Variants in ADAM10 observed in about 807,000 individuals in gnomAD.
ADAM10 encodes ADAM metallopeptidase domain 10.
Under a neutral mutation model 90.1 loss-of-function variants are expected in ADAM10, and 17 were observed. The observed-to-expected ratio is 0.19, with a 90% CI of 0.13 to 0.28. The LOEUF (loss-of-function observed/expected upper bound fraction) is 0.28. Ranked by LOEUF, ADAM10 falls within the 10% of genes least tolerant of loss-of-function variation. ADAM10 has a pLI of 1.00. For synonymous variants in ADAM10, 310 were observed against 298.6 expected, an observed-to-expected ratio of 1.04 and a Z score of -0.40; for missense variants, 610 against 914.3, an observed-to-expected ratio of 0.67 and a Z score of 4.29.
chr15:58,689,214 G>C (rs780694726), intron 2 of ADAM10, among the ~76,000 whole-genome samples: 2 of 152,176 alleles, frequency 1.3e-5, no homozygotes, highest in Non-Finnish European at 2.9e-5. Flanking sequence ...GGCCGGGCGT[G>C]GTGGCTCACG....
intron 5 of ADAM10, among the ~76,000 whole-genome samples, chr15:58,653,635 T>C (rs974894846): frequency 6.6e-6 from 1 of 152,214 alleles, no homozygotes; most frequent in African/African-American, 2.4e-5. Context: ...GTTGATAATT[T>C]TTCTACCAAT....
chr15:58,716,405 A>G (rs141540992), intron 2 of ADAM10, among the ~76,000 whole-genome samples: 117 of 152,346 alleles, frequency 7.7e-4, no homozygotes, highest in African/African-American at 2.0e-3. Flanking sequence ...TTTAGACGGA[A>G]TTAAAAAGTA....
intron 2 of ADAM10, chr15:58,692,311 T>C: frequency 1.6e-6 from 1 of 607,930 alleles, no homozygotes; most frequent in Non-Finnish European, 3.2e-6. Context: ...TCCACACTCT[T>C]CCTGGGTGAT....
At chr15:58,627,162 C>A (rs1895971853) in intron 10 of ADAM10, among the ~76,000 whole-genome samples, 1 of 152,052 alleles carries the variant, frequency 6.6e-6, no homozygotes, top group Admixed American at 6.6e-5. Context: ...CTGAGTTAAA[C>A]AGCCTTCCAC....
chr15:58,637,311 C>G (rs373417121), intron 8 of ADAM10, among the ~76,000 whole-genome samples: 1 of 152,248 alleles, frequency 6.6e-6, no homozygotes, highest in East Asian at 1.9e-4. Flanking sequence ...CAAAGCCAGC[C>G]TCATTCAACG....
intron 9 of ADAM10, among the ~76,000 whole-genome samples, chr15:58,629,086 T>G (rs1896028044): frequency 1.3e-5 from 2 of 152,130 alleles, no homozygotes; most frequent in Non-Finnish European, 2.9e-5. Context: ...AGCATTAGAG[T>G]TTTAGAAAGG....
chr15:58,729,072 T>A (rs780597027), intron 1 of ADAM10, among the ~76,000 whole-genome samples: 1 of 151,956 alleles, frequency 6.6e-6, no homozygotes, highest in Non-Finnish European at 1.5e-5. Flanking sequence ...TAAAAGAAAA[T>A]ATGAGCCATG....
chr15:58,740,416 G>GAC (rs536070675), intron 1 of ADAM10, among the ~76,000 whole-genome samples: 2 of 130,552 alleles, frequency 1.5e-5, no homozygotes, highest in African/African-American at 5.2e-5. Context: ...CTCTAGGGAA[G>GAC]AAAAAAAAAA....
intron 6 of ADAM10, among the ~76,000 whole-genome samples, chr15:58,644,687 C>T (rs1257282982): frequency 6.6e-6 from 1 of 152,208 alleles, no homozygotes; most frequent in Admixed American, 6.5e-5. Context: ...AAGAACTTCC[C>T]TGATGGCTCA....
intron 2 of ADAM10, among the ~76,000 whole-genome samples, chr15:58,710,495 C>T (rs146606869): frequency 2.0e-5 from 3 of 152,244 alleles, no homozygotes; most frequent in Non-Finnish European, 2.9e-5. Context: ...TCTTTACAAA[C>T]AGCTTTCTTG....
At chr15:58,608,717 G>A (rs1356009252) in intron 14 of ADAM10, among the ~76,000 whole-genome samples, 1 of 152,106 alleles carries the variant, frequency 6.6e-6, no homozygotes, top group African/African-American at 2.4e-5. Context: ...AAAATATGGG[G>A]AGAAAAGGTC....
intron 2 of ADAM10, among the ~76,000 whole-genome samples, chr15:58,705,102 T>C (rs1450616504): frequency 6.6e-6 from 1 of 152,228 alleles, no homozygotes; most frequent in Non-Finnish European, 1.5e-5. Flanking sequence ...AAAAACTCTC[T>C]TTGATTTTTA....
At chr15:58,698,575 C>CAA (rs138309518) in intron 2 of ADAM10, among the ~76,000 whole-genome samples, 14 of 115,588 alleles carry the variant, frequency 1.2e-4, no homozygotes, top group Middle Eastern at 4.2e-3. Context: ...GACCTTGTCT[C>CAA]AAAAAAAAAA....
intron 1 of ADAM10, among the ~76,000 whole-genome samples, chr15:58,743,563 G>A (rs1400306234): frequency 6.6e-6 from 1 of 151,958 alleles, no homozygotes; most frequent in Non-Finnish European, 1.5e-5. Context: ...AGTACCATAA[G>A]CCCCTGTCAT....
In ADAM10 at chr15:58,695,200, C is replaced by T. The variant is rs144568356; in HGVS notation, c.207-12886G>A. Among the ~76,000 whole-genome samples the T allele has an allele frequency of 1.2e-3, 180 of 152,282 alleles. 1 individual carries two copies. Among genetic ancestry groups the T allele is most frequent in the African/African-American group, 4.2e-3 (174 of 41,556 alleles). ...AATAACTCCCAGGGCTTCCCAGGTA[C>T]AAGAACTCCAGGCTTTCTACTTAAA... On this transcript the variant is annotated intron_variant, in intron 2 of 15. Coordinates refer to ENST00000260408, the MANE Select transcript of ADAM10 (RefSeq NM_001110.4).
intron 11 of ADAM10, among the ~76,000 whole-genome samples, chr15:58,619,572 A>G (rs1895719291): frequency 6.6e-6 from 1 of 152,204 alleles, no homozygotes; most frequent in African/African-American, 2.4e-5. Flanking sequence ...AATATCACAT[A>G]TACCTCATAA....
At chr15:58,613,332 T>C (rs1895507101) in intron 11 of ADAM10, among the ~76,000 whole-genome samples, 4 of 152,060 alleles carry the variant, frequency 2.6e-5, no homozygotes, top group African/African-American at 9.6e-5. Context: ...CTCTAGAAAA[T>C]TTAGATGAGA....
intron 2 of ADAM10, among the ~76,000 whole-genome samples, chr15:58,700,620 AAAAAATATGGAAAGATT>A: frequency 6.6e-6 from 1 of 152,200 alleles, no homozygotes; most frequent in Non-Finnish European, 1.5e-5. Flanking sequence ...TGCCTACCTC[AAAAAATATGGAAAGATT>A]TCAAATAAAC....
At chr15:58,692,810 C>A (rs1374181085) in intron 2 of ADAM10, 1 of 637,908 alleles carries the variant, frequency 1.6e-6, no homozygotes, top group Admixed American at 1.8e-5. Context: ...AAGCCAACAC[C>A]AAATTGCCCA....
Sources: allele counts gnomAD v4.1 joint callset (sites outside exome capture counted in the v4.1 genomes callset), GRCh38; gene constraint gnomAD v4.1.1; transcripts MANE v1.5; gene names NCBI Gene and HGNC (gene_info 2026-07-23, HGNC 2026-07-21).